F8: variants seen among roughly 807,000 people sequenced by gnomAD.
The protein encoded by F8 is antihemophilic factor.
Under a neutral mutation model 140.6 loss-of-function variants are expected in F8, and 12 were observed. The observed-to-expected ratio is 0.09, with a 90% CI of 0.05 to 0.14. The LOEUF (loss-of-function observed/expected upper bound fraction) is 0.14, where lower values mean the gene tolerates loss of function less well. F8 is among the 10% of genes least tolerant of loss of function. The pLI is 1.00. For missense variants in F8, 1,354 were observed against 1,720.7 expected, an observed-to-expected ratio of 0.79 and a Z score of 3.77; for synonymous variants, 585 against 614.6, an observed-to-expected ratio of 0.95 and a Z score of 0.71.
At chrX:154,839,490 G>C (rs1181610178) in intron 25 of F8, among the ~76,000 whole-genome samples, 1 of 108,732 alleles carries the variant, frequency 9.2e-6, no homozygotes, top group Non-Finnish European at 1.9e-5. Context: ...AGCCTCCCAA[G>C]TAGCTGGGAC....
At chrX:154,938,227 G>T (rs2073234744) in intron 13 of F8, among the ~76,000 whole-genome samples, 1 of 110,981 alleles carries the variant, frequency 9.0e-6, no homozygotes, top group African/African-American at 3.3e-5. Flanking sequence ...ATAAAAACAA[G>T]CTGCAAATTT....
intron 22 of F8, among the ~76,000 whole-genome samples, chrX:154,876,957 T>G (rs782081309): frequency 8.9e-6 from 1 of 112,302 alleles, no homozygotes; most frequent in East Asian, 2.8e-4. Flanking sequence ...TCCAAATTTC[T>G]GATTTAAAAG....
At chrX:154,966,342 C>A in intron 8 of F8, 84 bp downstream of exon 8, 2 of 1,129,859 alleles carry the variant, frequency 1.8e-6, no homozygotes, top group East Asian at 3.0e-5. Context: ...TTAAACATGG[C>A]TTCAGGATTT....
intron 1 of F8, among the ~76,000 whole-genome samples, chrX:155,004,469 T>TA (rs1194193073): frequency 8.0e-5 from 9 of 111,921 alleles, no homozygotes; most frequent in African/African-American, 2.9e-4. Flanking sequence ...CTTTGATGCT[T>TA]ACCAGTCTCT....
chrX:154,938,900 T>TATAA (rs1473090738), intron 13 of F8, among the ~76,000 whole-genome samples: 6 of 109,866 alleles, frequency 5.5e-5, no homozygotes, highest in African/African-American at 2.0e-4. Flanking sequence ...TATATATATA[T>TATAA]AAATGATATT....
chrX:154,858,649 T>C (rs1378536868), intron 25 of F8, among the ~76,000 whole-genome samples: 2 of 112,063 alleles, frequency 1.8e-5, no homozygotes, highest in Non-Finnish European at 3.8e-5. Context: ...AAGGTTTGGG[T>C]CACCTCATCA....
chrX:154,917,183 C>T (rs2073102320), intron 14 of F8, among the ~76,000 whole-genome samples: 1 of 111,628 alleles, frequency 9.0e-6, no homozygotes, highest in South Asian at 3.7e-4. Context: ...GACTTGTTTT[C>T]TGGCCTAATA....
At chrX:154,844,214 T>C (rs1411183339) in intron 25 of F8, among the ~76,000 whole-genome samples, 1 of 111,848 alleles carries the variant, frequency 8.9e-6, no homozygotes, top group Non-Finnish European at 1.9e-5. Flanking sequence ...TAGTTTGAAG[T>C]CAGGTAGCGT....
chrX:154,935,840 T>C (rs1392009684), intron 13 of F8, among the ~76,000 whole-genome samples: 1 of 110,733 alleles, frequency 9.0e-6, no homozygotes, highest in East Asian at 2.8e-4. Flanking sequence ...TGTGACAAAA[T>C]TGAACAGTAT....
At chrX:154,890,075 G>T (rs1426588882) in intron 22 of F8, among the ~76,000 whole-genome samples, 1 of 78,566 alleles carries the variant, frequency 1.3e-5, no homozygotes, top group African/African-American at 6.0e-5. Flanking sequence ...ACCGTTAGAG[G>T]AGACCAGCAG....
At chrX:154,857,864 T>C (rs782281774) in intron 25 of F8, among the ~76,000 whole-genome samples, 14 of 112,282 alleles carry the variant, frequency 1.2e-4, no homozygotes, top group Admixed American at 2.8e-4. Context: ...ATGGGCCGGG[T>C]GCAGTGGCTC....
chrX:154,987,334 CT>C, intron 4 of F8, 29 bp from the exon 5 acceptor site: 5 of 1,161,289 alleles, frequency 4.3e-6, no homozygotes, highest in Non-Finnish European at 5.9e-6. Context: ...CATTTATCTT[CT>C]ATTTAAAAAA....
intron 1 of F8, among the ~76,000 whole-genome samples, chrX:155,014,680 T>C (rs2073725750): frequency 8.9e-6 from 1 of 112,286 alleles, no homozygotes; most frequent in South Asian, 3.6e-4. Flanking sequence ...CAATTAACAA[T>C]AGCATCGAAT....
intron 14 of F8, chrX:154,909,562 A>T (rs1188245578): frequency 8.3e-6 from 1 of 120,896 alleles, no homozygotes; most frequent in Non-Finnish European, 1.7e-5. Flanking sequence ...TCCATTTTTT[A>T]ACACCAACAA....
Position 154,860,422 on chromosome X carries a change from A to T in F8, c.6900+10T>A, listed in dbSNP as rs1285953585. The T allele has an allele frequency of 3.2e-5, 38 of 1,205,484 alleles. No homozygotes were observed. Among genetic ancestry groups the T allele is most frequent in the Non-Finnish European group, 4.1e-5 (37 of 891,996 alleles). ...TCTTTCTTTCTTTCTTTCCAAGGAGACCAGCTTACCTTTACTTTGCCATTC... is the reference window on the plus strand; with the variant it reads ...TCTTTCTTTCTTTCTTTCCAAGGAGTCCAGCTTACCTTTACTTTGCCATTC... On this transcript the variant is annotated intron_variant, in intron 25 of 25. Coordinates refer to ENST00000360256, the MANE Select transcript of F8 (RefSeq NM_000132.4).
At chrX:154,935,916 A>G (rs2073221739) in intron 13 of F8, among the ~76,000 whole-genome samples, 1 of 109,174 alleles carries the variant, frequency 9.2e-6, no homozygotes, top group African/African-American at 3.4e-5. Flanking sequence ...GACACAGATG[A>G]TAAATATTTT....
chrX:154,929,698 T>C lies in F8; in HGVS notation c.4092A>G (p.Lys1364=). Residue 1364 remains lysine, a synonymous_variant, in exon 14 of 26, where the codon AAA becomes AAG. Transcript: ENST00000360256. Reference sequence around the variant, plus strand: ...GTGTGAGGGTGCTCGGGGTCAAATGTTTCATGTTTTTGGACCACTGGGTTG... The same window carrying C: ...GTGTGAGGGTGCTCGGGGTCAAATGCTTCATGTTTTTGGACCACTGGGTTG... ...DTSTQWSKNM[K]HLTPSTLTQI... 2 of 1,209,565 alleles carry C rather than the reference T, an allele frequency of 1.7e-6. No individual in the cohort carries two copies. Among genetic ancestry groups the C allele is most frequent in the Non-Finnish European group, 2.2e-6 (2 of 894,439 alleles).
At chrX:154,996,663 G>C (rs1427789818) in intron 3 of F8, among the ~76,000 whole-genome samples, 2 of 111,073 alleles carry the variant, frequency 1.8e-5, no homozygotes, top group Non-Finnish European at 3.8e-5. Flanking sequence ...ATTCAGAAAA[G>C]CAATTCCTAG....
chrX:154,965,367 C>T (rs1254696189), intron 9 of F8, among the ~76,000 whole-genome samples: 1 of 111,662 alleles, frequency 9.0e-6, no homozygotes, highest in Non-Finnish European at 1.9e-5. Context: ...CTTCAAATTT[C>T]TTGTGAAGAA....
Sources: gnomAD v4.1 joint callset for allele counts (sites outside exome capture counted in the v4.1 genomes callset) on GRCh38, gnomAD v4.1.1 for gene constraint, MANE v1.5 for transcripts, NCBI Gene and HGNC (gene_info 2026-07-23, HGNC 2026-07-21) for gene names.